The following PTPDC1 variants were observed in gnomAD, a reference collection of about 807,000 sequenced individuals.
PTPDC1 encodes protein tyrosine phosphatase domain containing 1.
PTPDC1 carries 53 observed loss-of-function variants against 75.3 expected under a neutral mutation model. That is an observed-to-expected ratio of 0.70 (90% CI 0.56 to 0.88). The LOEUF is 0.88. Among genes scored for constraint, PTPDC1 ranks in the 40% least tolerant of loss-of-function variants. The probability of loss-of-function intolerance (pLI) is 0.00; values close to 1 mark genes in which losing one functional copy is unlikely to be tolerated. For synonymous variants in PTPDC1, 349 were observed against 366.2 expected (o/e 0.95, Z 0.54); for missense variants, 925 against 998.6 (o/e 0.93, Z 0.99).
chr9:94,059,986 C>A (rs1826078133), intron 1 of PTPDC1, among the ~76,000 whole-genome samples: 1 of 152,046 alleles, frequency 6.6e-6, no homozygotes, highest in South Asian at 2.1e-4. Flanking sequence ...GATGATTGTT[C>A]CACATCTGGG....
chr9:94,094,738 G>T (rs1283392087), intron 4 of PTPDC1, among the ~76,000 whole-genome samples: 7 of 152,236 alleles, frequency 4.6e-5, no homozygotes, highest in Admixed American at 4.6e-4. Flanking sequence ...GACTCCGTGG[G>T]CGTAGGACCC....
intron 1 of PTPDC1, among the ~76,000 whole-genome samples, chr9:94,041,942 A>G (rs1043364239): frequency 7.2e-5 from 11 of 152,204 alleles, no homozygotes; most frequent in Non-Finnish European, 1.6e-4. Flanking sequence ...AACTATATGT[A>G]TGTATATTAA....
At chr9:94,057,963 T>TA (rs1825997356) in intron 1 of PTPDC1, among the ~76,000 whole-genome samples, 1 of 152,252 alleles carries the variant, frequency 6.6e-6, no homozygotes, top group South Asian at 2.1e-4. Context: ...GGACAACATA[T>TA]ATAATAAAAT....
chr9:94,092,501 C>G (rs1427264164), intron 4 of PTPDC1, among the ~76,000 whole-genome samples: 1 of 147,132 alleles, frequency 6.8e-6, no homozygotes, highest in Non-Finnish European at 1.5e-5. Context: ...GCTTTACTTC[C>G]CAGTATGTGG....
Position 94,098,468 on chromosome 9 carries a change from A to G in PTPDC1, c.1902A>G (p.Leu634=). The G allele has an allele frequency of 1.2e-6, 2 of 1,614,180 alleles. No homozygotes were observed. Among genetic ancestry groups the G allele is most frequent in the Non-Finnish European group, 1.7e-6 (2 of 1,180,012 alleles). ...CTGAAGCAGCTTCACACTCTGCATT[A>G]CAGTCTGAATTGAGTGCTGAGGCAA... is the stretch of plus-strand genomic sequence containing the variant. ...DLSEAASHSA[L]QSELSAEARR... The change falls in exon 6 of 9, where the codon TTA becomes TTG. Residue 634 remains leucine (L), a synonymous_variant. Coordinates refer to ENST00000620992, the MANE Select transcript of PTPDC1 (RefSeq NM_001253829.2).
chr9:94,076,210 G>A (rs1826680585), intron 2 of PTPDC1, among the ~76,000 whole-genome samples: 2 of 152,104 alleles, frequency 1.3e-5, no homozygotes, highest in Admixed American at 1.3e-4. Context: ...ATGTTGGTCA[G>A]GCTGGCTGGT....
intron 2 of PTPDC1, among the ~76,000 whole-genome samples, chr9:94,071,939 A>G (rs1215653140): frequency 1.3e-5 from 2 of 152,174 alleles, no homozygotes; most frequent in Non-Finnish European, 2.9e-5. Flanking sequence ...ATACAGATTC[A>G]TACATGTTTT....
rs143748642 is a variant in PTPDC1, at chr9:94,069,918, G to A, written c.82+5097G>A. On this transcript the variant is annotated intron_variant, in intron 2 of 9. Coordinates refer to the PTPDC1 transcript ENST00000375360. ...TGGCTCATTGCAACCTCCGCCTCCC[G>A]GGTTCACGCCATTCTCCTGCCTCAG... Among the ~76,000 whole-genome samples, 569 of 144,360 alleles carry A rather than the reference G, an allele frequency of 3.9e-3. 4 individuals are homozygous for A. The highest frequency in any genetic ancestry group is 0.014 in the African/African-American group (541 of 38,568). 94.7% of individuals were successfully genotyped at this position (144,360 alleles called of 152,430 possible). A position where few individuals can be genotyped will look rare whatever the true frequency, so the allele number is the denominator to read the frequency against.
At chr9:94,078,379 CTTTT>C (rs1379865562) in intron 2 of PTPDC1, among the ~76,000 whole-genome samples, 1 of 152,116 alleles carries the variant, frequency 6.6e-6, no homozygotes. Flanking sequence ...TAAACTTAAT[CTTTT>C]TGAGGTTTCT....
In PTPDC1 at chr9:94,097,956, A is replaced by G. The variant is rs1351838532; in HGVS notation, c.1390A>G (p.Thr464Ala). ...RAENLLEQGETPQTVPAQILV... is the reference protein window; with the variant it reads ...RAENLLEQGEAPQTVPAQILV... The stretch of plus-strand genomic sequence containing the variant: ...CGAGAACCTCCTGGAGCAAGGGGAG[A>G]CTCCACAGACAGTGCCTGCCCAGAT... Residue 464 changes from threonine to alanine, a missense_variant, in exon 6 of 9, where the codon ACT becomes GCT. Transcript: ENST00000620992. The G allele has an allele frequency of 1.2e-6, 2 of 1,613,944 alleles. No individual in the cohort carries two copies. The highest frequency in any genetic ancestry group is 1.7e-6 in the Non-Finnish European group (2 of 1,179,994).
At chr9:94,086,990 T>G (rs1057261767) in intron 2 of PTPDC1, among the ~76,000 whole-genome samples, 9 of 152,230 alleles carry the variant, frequency 5.9e-5, no homozygotes, top group African/African-American at 2.2e-4. Context: ...TATTGAATTC[T>G]CACACCAACC....
rs758496330 is a variant in PTPDC1 at position 94,097,946 on chromosome 9, G to C, written c.1380G>C (p.Glu460Asp). ...SDLKRAENLL[E>D]QGETPQTVPA... The stretch of plus-strand genomic sequence containing the variant: ...TAAAGAGGGCCGAGAACCTCCTGGA[G>C]CAAGGGGAGACTCCACAGACAGTGC... The change falls in exon 6 of 9, where the codon GAG (glutamate) becomes GAC (aspartate). Residue 460 changes from glutamate to aspartate, a missense_variant. Transcript: ENST00000620992. The C allele has an allele frequency of 1.2e-6, 2 of 1,614,160 alleles. No individual in the cohort carries two copies. The highest frequency in any genetic ancestry group is 1.7e-6 in the Non-Finnish European group (2 of 1,180,028).
intron 5 of PTPDC1, 74 bp downstream of exon 5, chr9:94,095,528 G>C: frequency 8.0e-7 from 1 of 1,246,256 alleles, no homozygotes; most frequent in Middle Eastern, 1.9e-4. Flanking sequence ...CTAATTTGAG[G>C]GTAAATGTTT....
chr9:94,097,105 C>A (rs1456677290), intron 5 of PTPDC1, among the ~76,000 whole-genome samples: 1 of 152,136 alleles, frequency 6.6e-6, no homozygotes, highest in Non-Finnish European at 1.5e-5. Context: ...GGCGGTGCCA[C>A]ATAGACATTT....
At chr9:94,092,346 G>T (rs1827358079) in intron 4 of PTPDC1, among the ~76,000 whole-genome samples, 1 of 142,940 alleles carries the variant, frequency 7.0e-6, no homozygotes, top group South Asian at 2.5e-4. Flanking sequence ...TATGTACCCA[G>T]TAGTCATTCA....
chr9:94,106,192 ATCTG>A (rs957993911), intron 8 of PTPDC1, among the ~76,000 whole-genome samples: 2 of 152,154 alleles, frequency 1.3e-5, no homozygotes, highest in African/African-American at 4.8e-5. Context: ...GTTGTTCAAA[ATCTG>A]TCTATAGAAA....
At chr9:94,076,983 T>C (rs995380751) in intron 2 of PTPDC1, among the ~76,000 whole-genome samples, 1 of 152,216 alleles carries the variant, frequency 6.6e-6, no homozygotes, top group Non-Finnish European at 1.5e-5. Context: ...ACATCTTTTT[T>C]GGAGAAATGC....
chr9:94,105,483 C>A (rs537123399), intron 8 of PTPDC1, among the ~76,000 whole-genome samples: 6 of 152,190 alleles, frequency 3.9e-5, no homozygotes, highest in Admixed American at 6.5e-5. Flanking sequence ...TCCTGGCCAA[C>A]ATGGTGAAAC....
At chr9:94,058,652 G>A (rs1049571169) in intron 1 of PTPDC1, among the ~76,000 whole-genome samples, 2 of 152,074 alleles carry the variant, frequency 1.3e-5, no homozygotes, top group Non-Finnish European at 2.9e-5. Flanking sequence ...GTTGCAGTGA[G>A]CCGAGATTGT....
Sources: gnomAD v4.1 joint callset for allele counts (sites outside exome capture counted in the v4.1 genomes callset) on GRCh38, gnomAD v4.1.1 for gene constraint, MANE v1.5 for transcripts, NCBI Gene and HGNC (gene_info 2026-07-23, HGNC 2026-07-21) for gene names.